The following ODAD2 variants were observed in gnomAD, a reference collection of about 807,000 sequenced individuals.
ODAD2 encodes the protein outer dynein arm-docking complex subunit 2.
A neutral mutation model predicts 106.8 loss-of-function variants in ODAD2; 89 were observed. The ratio of observed to expected loss-of-function variants is 0.83; its 90% CI spans 0.70 to 0.99. ODAD2 has a LOEUF of 0.99. ODAD2 is among the 50% of genes least tolerant of loss of function. The pLI is 0.00. For missense variants in ODAD2, 1,168 were observed against 1,238.5 expected (o/e 0.94, Z 0.85); for synonymous variants, 404 against 436.2 (o/e 0.93, Z 0.92).
chr10:27,928,697 T>C (rs1337882106), intron 16 of ODAD2, among the ~76,000 whole-genome samples: 2 of 152,112 alleles, frequency 1.3e-5, no homozygotes, highest in Non-Finnish European at 2.9e-5. Flanking sequence ...AAAATCATCT[T>C]ATACAGATGA....
At chr10:27,920,805 T>C (rs541034256) in intron 16 of ODAD2, among the ~76,000 whole-genome samples, 2 of 152,026 alleles carry the variant, frequency 1.3e-5, no homozygotes, top group Non-Finnish European at 2.9e-5. Flanking sequence ...CAAACAAGCA[T>C]AGCTTTACTT....
At position 27,948,220 on chromosome 10, in the gene ODAD2, C is replaced by A. The variant is rs1260089919; in HGVS notation, c.1387-3258G>T. ...AATCATCAGCTTTTTTTCTGAAAAT[C>A]TGGAAACATATTCATAGGCTTGAGG... On this transcript the variant is annotated intron_variant, in intron 10 of 19. Transcript: ENST00000305242. Among the ~76,000 whole-genome samples the A allele has an allele frequency of 4.6e-5, 7 of 151,490 alleles. No individual in the cohort carries two copies. The Admixed American group carries it at 4.6e-4, about 10-fold the overall frequency.
intron 7 of ODAD2, among the ~76,000 whole-genome samples, chr10:27,978,886 A>G (rs551397337): frequency 5.3e-5 from 8 of 152,030 alleles, no homozygotes; most frequent in African/African-American, 1.7e-4. Context: ...ATCAGGCTCA[A>G]TGGTGAAAGC....
At chr10:27,857,958 A>G (rs1222921921) in intron 19 of ODAD2, among the ~76,000 whole-genome samples, 1 of 152,230 alleles carries the variant, frequency 6.6e-6, no homozygotes, top group African/African-American at 2.4e-5. Context: ...GGGTTTTGCC[A>G]AAATACTGGA....
chr10:27,992,765 G>T (rs1368735648), intron 2 of ODAD2, among the ~76,000 whole-genome samples: 1 of 152,080 alleles, frequency 6.6e-6, no homozygotes, highest in Non-Finnish European at 1.5e-5. Flanking sequence ...AAGAATAGGG[G>T]GAAATAGTGA....
chr10:27,826,353 A>G (rs1837043546), intron 19 of ODAD2, among the ~76,000 whole-genome samples: 2 of 151,986 alleles, frequency 1.3e-5, no homozygotes, highest in Admixed American at 1.3e-4. Flanking sequence ...ACACATTATG[A>G]TCTCTAATTT....
intron 17 of ODAD2, among the ~76,000 whole-genome samples, chr10:27,870,020 T>G (rs1161336063): frequency 6.6e-6 from 1 of 152,078 alleles, no homozygotes; most frequent in Non-Finnish European, 1.5e-5. Context: ...GTTGGAAGTA[T>G]AAAATTTTAT....
At chr10:27,887,373 G>A (rs1842293235) in intron 17 of ODAD2, among the ~76,000 whole-genome samples, 1 of 151,904 alleles carries the variant, frequency 6.6e-6, no homozygotes, top group Non-Finnish European at 1.5e-5. Flanking sequence ...AGAGTTGAAG[G>A]GAAAAATAGG....
At chr10:27,866,167 T>C (rs1840422247) in intron 17 of ODAD2, among the ~76,000 whole-genome samples, 1 of 152,230 alleles carries the variant, frequency 6.6e-6, no homozygotes, top group Non-Finnish European at 1.5e-5. Context: ...AACCTTGAAA[T>C]ATCCAACACT....
At chr10:27,949,515 C>T (rs977766524) in intron 10 of ODAD2, among the ~76,000 whole-genome samples, 3 of 152,042 alleles carry the variant, frequency 2.0e-5, no homozygotes, top group African/African-American at 7.2e-5. Flanking sequence ...ATGAAATGTC[C>T]ACCAGTCGGA....
chr10:27,981,397 T>C (rs1564573676), intron 7 of ODAD2, 69 bp downstream of exon 7: 1 of 1,382,446 alleles, frequency 7.2e-7, no homozygotes, highest in Non-Finnish European at 9.4e-7. Flanking sequence ...ACTGTTTTTC[T>C]TGTACCATAG....
intron 16 of ODAD2, among the ~76,000 whole-genome samples, chr10:27,913,802 G>T (rs1331696131): frequency 6.6e-6 from 1 of 152,022 alleles, no homozygotes; most frequent in African/African-American, 2.4e-5. Context: ...CACATGAGTC[G>T]GAATGGCTAT....
intron 16 of ODAD2, among the ~76,000 whole-genome samples, chr10:27,934,570 C>G (rs1845831186): frequency 6.6e-6 from 1 of 151,912 alleles, no homozygotes; most frequent in African/African-American, 2.4e-5. Context: ...AACACCATTA[C>G]TTAAAATTCT....
At chr10:27,828,885 T>G (rs1186052271) in intron 19 of ODAD2, among the ~76,000 whole-genome samples, 1 of 152,180 alleles carries the variant, frequency 6.6e-6, no homozygotes, top group African/African-American at 2.4e-5. Context: ...AAATGAATAA[T>G]TAGTTCCACA....
intron 17 of ODAD2, among the ~76,000 whole-genome samples, chr10:27,890,502 A>C (rs969722127): frequency 2.0e-5 from 3 of 152,182 alleles, no homozygotes; most frequent in Non-Finnish European, 4.4e-5. Flanking sequence ...AGAATAGGCA[A>C]TGCTTTTCGT....
intron 7 of ODAD2, among the ~76,000 whole-genome samples, chr10:27,971,518 A>G (rs1261329551): frequency 6.6e-6 from 1 of 152,124 alleles, no homozygotes; most frequent in African/African-American, 2.4e-5. Flanking sequence ...CTAAACTCAC[A>G]CCTCTGCTGC....
intron 10 of ODAD2, 84 bp from the exon 11 acceptor site, chr10:27,945,046 G>A (rs778739875): frequency 4.0e-6 from 6 of 1,497,950 alleles, no homozygotes; most frequent in Non-Finnish European, 5.5e-6. Flanking sequence ...TCCATGAACT[G>A]GAAAACATGT....
chr10:27,961,841 G>A, intron 9 of ODAD2, 126 bp from the exon 10 acceptor site: 1 of 730,202 alleles, frequency 1.4e-6, no homozygotes, highest in Non-Finnish European at 2.2e-6. Flanking sequence ...GAGGTGGGAG[G>A]ATTACTTAAG....
intron 10 of ODAD2, among the ~76,000 whole-genome samples, chr10:27,950,425 A>C (rs1847250385): frequency 6.6e-6 from 1 of 152,200 alleles, no homozygotes; most frequent in Non-Finnish European, 1.5e-5. Context: ...CTAAGACTCA[A>C]CAGAACCCTG....
Sources: allele counts gnomAD v4.1 joint callset (sites outside exome capture counted in the v4.1 genomes callset), GRCh38; gene constraint gnomAD v4.1.1; transcripts MANE v1.5; gene names NCBI Gene and HGNC (gene_info 2026-07-23, HGNC 2026-07-21).